The following CDH13 variants were observed in gnomAD, a reference collection of about 807,000 sequenced individuals.
The protein encoded by CDH13 is cadherin 13, also known as cadherin-13.
A neutral mutation model predicts 63.8 loss-of-function variants in CDH13; 24 were observed. That is an observed-to-expected ratio of 0.38 (90% CI 0.27 to 0.53). CDH13 has a LOEUF of 0.53. CDH13 is among the 20% of genes least tolerant of loss of function. The probability of loss-of-function intolerance (pLI) is 0.85; values close to 1 mark genes in which losing one functional copy is unlikely to be tolerated. For missense variants in CDH13, 1,049 were observed against 903.1 expected, an observed-to-expected ratio of 1.16 and a Z score of -2.07; for synonymous variants, 503 against 355.3, an observed-to-expected ratio of 1.42 and a Z score of -4.67.
At chr16:83,140,273 A>G (rs868719229) in intron 4 of CDH13, among the ~76,000 whole-genome samples, 57 of 152,064 alleles carry the variant, frequency 3.7e-4, no homozygotes, top group African/African-American at 1.3e-3. Context: ...ACACATGACC[A>G]TCTTGTGCTC....
intron 1 of CDH13, among the ~76,000 whole-genome samples, chr16:82,717,667 C>A (rs1318948489): frequency 6.6e-6 from 1 of 152,162 alleles, no homozygotes; most frequent in Admixed American, 6.5e-5. Context: ...CCTCTGCCCC[C>A]CTCTTATGAA....
At chr16:83,180,604 T>C (rs2038311768) in intron 4 of CDH13, among the ~76,000 whole-genome samples, 2 of 152,232 alleles carry the variant, frequency 1.3e-5, no homozygotes, top group Non-Finnish European at 2.9e-5. Context: ...TTGAAGTGTG[T>C]GCTTTGTACA....
At chr16:83,041,195 A>T (rs1240974747) in intron 3 of CDH13, among the ~76,000 whole-genome samples, 5 of 152,248 alleles carry the variant, frequency 3.3e-5, no homozygotes, top group Non-Finnish European at 7.3e-5. Flanking sequence ...CTTCAATTAA[A>T]TGCAAAAAAA....
chr16:82,694,946 T>C (rs1442951246), intron 1 of CDH13, among the ~76,000 whole-genome samples: 1 of 152,128 alleles, frequency 6.6e-6, no homozygotes, highest in African/African-American at 2.4e-5. Context: ...CTTCTCTGAT[T>C]ATATGACCAT....
At chr16:83,593,553 T>A (rs956873082) in intron 7 of CDH13, among the ~76,000 whole-genome samples, 3 of 151,000 alleles carry the variant, frequency 2.0e-5, no homozygotes, top group Admixed American at 2.0e-4. Flanking sequence ...CTCTATTCAT[T>A]ATTTTTTATA....
intron 6 of CDH13, among the ~76,000 whole-genome samples, chr16:83,475,247 G>A (rs1429020957): frequency 1.3e-5 from 2 of 152,250 alleles, no homozygotes. Context: ...TCTTGAGCTT[G>A]CCTTAGACAC....
At chr16:83,247,438 T>C (rs1597590022) in intron 5 of CDH13, among the ~76,000 whole-genome samples, 1 of 152,260 alleles carries the variant, frequency 6.6e-6, no homozygotes, top group East Asian at 1.9e-4. Context: ...CCTAATCCAG[T>C]TATTTTTATT....
At chr16:83,645,675 G>C (rs1367704551) in intron 8 of CDH13, among the ~76,000 whole-genome samples, 7 of 151,748 alleles carry the variant, frequency 4.6e-5, no homozygotes, top group African/African-American at 1.7e-4. Flanking sequence ...AATCACCAGA[G>C]CACTATGCTG....
chr16:82,691,239 G>C (rs924909882), intron 1 of CDH13, among the ~76,000 whole-genome samples: 1 of 152,184 alleles, frequency 6.6e-6, no homozygotes, highest in African/African-American at 2.4e-5. Flanking sequence ...CTATGCATCA[G>C]GTACTGTGCA....
At chr16:83,542,472 A>C (rs1320128378) in intron 7 of CDH13, among the ~76,000 whole-genome samples, 4 of 152,140 alleles carry the variant, frequency 2.6e-5, no homozygotes, top group Non-Finnish European at 5.9e-5. Flanking sequence ...AATAACGTGC[A>C]TTTCTCCCAA....
At chr16:82,675,599 G>A (rs149945741) in intron 1 of CDH13, among the ~76,000 whole-genome samples, 3 of 152,312 alleles carry the variant, frequency 2.0e-5, no homozygotes, top group Non-Finnish European at 4.4e-5. Flanking sequence ...GCTTTTCTAA[G>A]TACTTCAGAA....
chr16:83,193,487 A>G (rs1384116079), intron 4 of CDH13, among the ~76,000 whole-genome samples: 2 of 152,202 alleles, frequency 1.3e-5, no homozygotes, highest in Non-Finnish European at 2.9e-5. Flanking sequence ...CCGTTATTTC[A>G]GAGCAGAACC....
chr16:83,573,020 A>G lies in CDH13; in HGVS notation c.961-29434A>G, dbSNP rs1204767629. ...CTCTTTTTAGGCCTTGAACACGTTG[A>G]CATACGCAATATTTTTCATCCACAG... On this transcript the variant is annotated intron_variant, in intron 7 of 13. Coordinates refer to ENST00000567109, the MANE Select transcript of CDH13 (RefSeq NM_001257.5). Among the ~76,000 whole-genome samples the G allele has an allele frequency of 2.0e-5, 3 of 152,298 alleles. No homozygotes were observed. In the South Asian group the frequency reaches 6.2e-4, roughly 32 times the overall value.
intron 1 of CDH13, among the ~76,000 whole-genome samples, chr16:82,756,156 C>T (rs564892148): frequency 6.6e-6 from 1 of 152,254 alleles, no homozygotes; most frequent in South Asian, 2.1e-4. Flanking sequence ...TAAAAAGTTG[C>T]ATATTTCTAT....
intron 1 of CDH13, among the ~76,000 whole-genome samples, chr16:82,638,323 T>G (rs903184695): frequency 1.3e-5 from 2 of 152,188 alleles, no homozygotes; most frequent in Admixed American, 1.3e-4. Context: ...CTCCTAGCCC[T>G]TTAGAAGTGA....
At chr16:82,667,892 A>T (rs531562331) in intron 1 of CDH13, among the ~76,000 whole-genome samples, 2 of 152,182 alleles carry the variant, frequency 1.3e-5, no homozygotes, top group Non-Finnish European at 1.5e-5. Flanking sequence ...AGCTGTCTCA[A>T]AATGAGATAA....
chr16:82,687,819 A>C (rs11640875), intron 1 of CDH13, among the ~76,000 whole-genome samples: 1 of 151,866 alleles, frequency 6.6e-6, no homozygotes, highest in African/African-American at 2.4e-5. Context: ...GTGACCCAGC[A>C]AGAGTCTCTT....
chr16:82,637,398 C>G (rs1341840026), intron 1 of CDH13, among the ~76,000 whole-genome samples: 1 of 146,204 alleles, frequency 6.8e-6, no homozygotes, highest in Non-Finnish European at 1.5e-5. Flanking sequence ...ACTTTATCCT[C>G]AGAAGCTGAG....
At chr16:83,457,486 G>T (rs181225233) in intron 6 of CDH13, among the ~76,000 whole-genome samples, 4 of 152,230 alleles carry the variant, frequency 2.6e-5, no homozygotes, top group East Asian at 3.9e-4. Flanking sequence ...ATTAAGGATT[G>T]TGTGTGTCTG....
Sources: allele counts gnomAD v4.1 joint callset (sites outside exome capture counted in the v4.1 genomes callset), GRCh38; gene constraint gnomAD v4.1.1; transcripts MANE v1.5; gene names NCBI Gene and HGNC (gene_info 2026-07-23, HGNC 2026-07-21).